Variants in PTPRR observed in about 807,000 individuals in gnomAD.
PTPRR encodes receptor-type tyrosine-protein phosphatase R.
In PTPRR, 38 loss-of-function variants were observed where a neutral mutation model predicts 77.2. The observed-to-expected ratio is 0.49, with a 90% CI of 0.38 to 0.65. The LOEUF (loss-of-function observed/expected upper bound fraction) is 0.65, where lower values mean the gene tolerates loss of function less well. Ranked by LOEUF, PTPRR falls within the 30% of genes least tolerant of loss-of-function variation. The pLI is 0.00. For synonymous variants in PTPRR, 299 were observed against 283.1 expected (o/e 1.06, Z -0.57); for missense variants, 744 against 799.2 (o/e 0.93, Z 0.83).
At chr12:70,859,984 T>C (rs1245432446) in intron 2 of PTPRR, among the ~76,000 whole-genome samples, 1 of 152,086 alleles carries the variant, frequency 6.6e-6, no homozygotes, top group Non-Finnish European at 1.5e-5. Context: ...CTAAAAGCTT[T>C]TTATTATGTA....
intron 8 of PTPRR, among the ~76,000 whole-genome samples, chr12:70,693,019 T>C (rs77939625): frequency 6.6e-6 from 1 of 152,152 alleles, no homozygotes; most frequent in Non-Finnish European, 1.5e-5. Flanking sequence ...TTTGACTTTC[T>C]AGATATTTTT....
intron 2 of PTPRR, among the ~76,000 whole-genome samples, chr12:70,804,653 T>G (rs1891678126): frequency 6.6e-6 from 1 of 152,144 alleles, no homozygotes; most frequent in Admixed American, 6.5e-5. Context: ...CAATACAATT[T>G]AAGAAAGTTT....
intron 2 of PTPRR, among the ~76,000 whole-genome samples, chr12:70,839,165 A>G (rs568288311): frequency 6.6e-6 from 1 of 152,292 alleles, no homozygotes; most frequent in East Asian, 1.9e-4. Context: ...TAGAGCTGCT[A>G]GAAAGACAAC....
At chr12:70,710,967 C>T (rs934532694) in intron 6 of PTPRR, among the ~76,000 whole-genome samples, 1 of 152,094 alleles carries the variant, frequency 6.6e-6, no homozygotes, top group Admixed American at 6.6e-5. Context: ...TAAATTAATT[C>T]AACCATTGTG....
intron 6 of PTPRR, among the ~76,000 whole-genome samples, chr12:70,728,363 C>CA (rs1889524818): frequency 7.9e-6 from 1 of 126,142 alleles, no homozygotes; most frequent in Non-Finnish European, 1.7e-5. Context: ...GAAAAAAAAA[C>CA]AAAAAATCCA....
rs546064765 is a variant in PTPRR at position 70,735,093 on chromosome 12, T to C, written c.1007+10725A>G. 4.6e-5 allele frequency among the ~76,000 whole-genome samples: 7 copies of C among 152,230 alleles called. No individual in the cohort carries two copies. The South Asian group carries it at 1.0e-3, about 23-fold the overall frequency. On this transcript the variant is annotated intron_variant, in intron 6 of 13. Transcript: ENST00000283228. ...CCTCCAGAATTCCAACCTACCTATA[T>C]AAAATCTGACAAATAAAGAGAACAG...
At chr12:70,737,891 C>A (rs1427957544) in intron 6 of PTPRR, among the ~76,000 whole-genome samples, 1 of 152,190 alleles carries the variant, frequency 6.6e-6, no homozygotes, top group Non-Finnish European at 1.5e-5. Context: ...CATATTAATT[C>A]TATTCCCTTC....
At chr12:70,826,100 G>A (rs527913927) in intron 2 of PTPRR, among the ~76,000 whole-genome samples, 1 of 152,188 alleles carries the variant, frequency 6.6e-6, no homozygotes, top group East Asian at 1.9e-4. Flanking sequence ...TAGAGAAGGA[G>A]GAATGGAGAG....
intron 2 of PTPRR, among the ~76,000 whole-genome samples, chr12:70,848,681 T>C (rs572637627): frequency 1.6e-3 from 241 of 152,312 alleles, no homozygotes; most frequent in South Asian, 4.3e-3. Context: ...AATTTAAGAA[T>C]GCAGATGTAC....
intron 1 of PTPRR, among the ~76,000 whole-genome samples, chr12:70,911,901 C>T (rs1308942483): frequency 6.6e-6 from 1 of 152,126 alleles, no homozygotes; most frequent in Non-Finnish European, 1.5e-5. Flanking sequence ...TAATGCCTAA[C>T]ACTTCTATGA....
At chr12:70,738,877 A>G (rs143630001) in intron 6 of PTPRR, among the ~76,000 whole-genome samples, 103 of 152,354 alleles carry the variant, frequency 6.8e-4, no homozygotes, top group Non-Finnish European at 1.3e-3. Flanking sequence ...TCCTCAATAC[A>G]GGTGAATAAA....
At chr12:70,823,524 CTG>C (rs761426623) in intron 2 of PTPRR, among the ~76,000 whole-genome samples, 4 of 152,162 alleles carry the variant, frequency 2.6e-5, no homozygotes, top group Non-Finnish European at 5.9e-5. Context: ...TTTTTTGTTA[CTG>C]TGTGTTTTTT....
In PTPRR at chr12:70,894,907, G is replaced by A. The variant is rs77494932; in HGVS notation, c.59-1930C>T. On this transcript the variant is annotated intron_variant, in intron 1 of 13. Coordinates refer to ENST00000283228, the MANE Select transcript of PTPRR (RefSeq NM_002849.4). ...AAGTTATGGTCAATTTAGCATGCTC[G>A]GAACTGAAGACATGATGATTAGTTT... 6.0e-3 allele frequency among the ~76,000 whole-genome samples: 910 copies of A among 151,736 alleles called. 5 individuals are homozygous for A. Among genetic ancestry groups the A allele is most frequent in the Non-Finnish European group, 0.01 (689 of 67,754 alleles).
At chr12:70,912,484 A>G (rs1439375414) in intron 1 of PTPRR, among the ~76,000 whole-genome samples, 1 of 152,236 alleles carries the variant, frequency 6.6e-6, no homozygotes, top group Non-Finnish European at 1.5e-5. Flanking sequence ...AAAAAAGGAA[A>G]TAAAAAATAA....
chr12:70,838,687 G>A (rs2137057526), intron 2 of PTPRR, among the ~76,000 whole-genome samples: 1 of 152,276 alleles, frequency 6.6e-6, no homozygotes, highest in East Asian at 1.9e-4. Flanking sequence ...GGTAGCAAAG[G>A]CTAGTGAAGC....
At position 70,835,651 on chromosome 12, in the gene PTPRR, A is replaced by G. The variant is rs573798415; in HGVS notation, c.357+57028T>C. On this transcript the variant is annotated intron_variant, in intron 2 of 13. Coordinates refer to ENST00000283228, the MANE Select transcript of PTPRR (RefSeq NM_002849.4). The stretch of plus-strand genomic sequence containing the variant: ...TAGAGCACACATGTTTCTCTACTTT[A>G]ATAGTCTCTCTAGGTACTGAAGACA... Among the ~76,000 whole-genome samples, 27 of 152,288 alleles carry G rather than the reference A, an allele frequency of 1.8e-4. No individual in the cohort carries two copies. In the South Asian group the frequency reaches 3.3e-3, roughly 19 times the overall value.
chr12:70,737,154 G>A (rs1030351082), intron 6 of PTPRR, among the ~76,000 whole-genome samples: 2 of 152,094 alleles, frequency 1.3e-5, no homozygotes, highest in Non-Finnish European at 2.9e-5. Flanking sequence ...TGGCATGAGG[G>A]TGCAGAGGCT....
chr12:70,787,420 T>C (rs1376610422), intron 2 of PTPRR, among the ~76,000 whole-genome samples: 1 of 152,214 alleles, frequency 6.6e-6, no homozygotes, highest in African/African-American at 2.4e-5. Flanking sequence ...AGAGTATGAA[T>C]GCTGTAGGGC....
chr12:70,721,272 G>C (rs1889240851), intron 6 of PTPRR, among the ~76,000 whole-genome samples: 1 of 152,182 alleles, frequency 6.6e-6, no homozygotes, highest in Admixed American at 6.5e-5. Context: ...TAGAGTCTGA[G>C]TCAGTCAACA....
Sources: gnomAD v4.1 joint callset for allele counts (sites outside exome capture counted in the v4.1 genomes callset) on GRCh38, gnomAD v4.1.1 for gene constraint, MANE v1.5 for transcripts, NCBI Gene and HGNC (gene_info 2026-07-23, HGNC 2026-07-21) for gene names.